VEGFC: variants seen among roughly 807,000 people sequenced by gnomAD.
VEGFC encodes the protein FLT4 ligand DHM.
A neutral mutation model predicts 46.1 loss-of-function variants in VEGFC; 12 were observed. That is an observed-to-expected ratio of 0.26 (90% CI 0.17 to 0.42). VEGFC has a LOEUF of 0.42. VEGFC is among the 10% of genes least tolerant of loss of function. The pLI is 1.00. For synonymous variants in VEGFC, 232 were observed against 195.5 expected, an observed-to-expected ratio of 1.19 and a Z score of -1.56; for missense variants, 488 against 529.4, an observed-to-expected ratio of 0.92 and a Z score of 0.77.
At chr4:176,736,467 G>T (rs975087631) in intron 1 of VEGFC, among the ~76,000 whole-genome samples, 2 of 56,790 alleles carry the variant, frequency 3.5e-5, no homozygotes, top group Admixed American at 3.9e-4. Context: ...GCCTCAATTA[G>T]TTCTACTATA....
chr4:176,780,387 A>AAAAAAAAAAAAAACC (rs541639588), intron 1 of VEGFC, among the ~76,000 whole-genome samples: 1 of 114,758 alleles, frequency 8.7e-6, no homozygotes, highest in East Asian at 2.8e-4. Context: ...ATCTCAAAAA[A>AAAAAAAAAAAAAACC]AAAAAAAAAA....
intron 3 of VEGFC, 70 bp from the exon 4 acceptor site, chr4:176,711,720 G>A: frequency 6.6e-7 from 1 of 1,521,192 alleles, no homozygotes; most frequent in Non-Finnish European, 9.0e-7. Flanking sequence ...GTAAATATTG[G>A]AGTCCGAAAA....
chr4:176,767,142 A>AAAC (rs1735641768), intron 1 of VEGFC, among the ~76,000 whole-genome samples: 1 of 149,822 alleles, frequency 6.7e-6, no homozygotes, highest in Non-Finnish European at 1.5e-5. Context: ...AAAAAAAAAA[A>AAAC]AACAACCAAA....
intron 4 of VEGFC, among the ~76,000 whole-genome samples, chr4:176,704,700 C>T (rs992238795): frequency 1.3e-5 from 2 of 152,156 alleles, no homozygotes; most frequent in Non-Finnish European, 2.9e-5. Context: ...CCAAGCTGTT[C>T]TTTCTATAAT....
At chr4:176,710,240 C>T (rs1001255899) in intron 4 of VEGFC, among the ~76,000 whole-genome samples, 2 of 152,168 alleles carry the variant, frequency 1.3e-5, no homozygotes, top group Non-Finnish European at 2.9e-5. Flanking sequence ...CTAAAGCTCT[C>T]AGAATGGAGG....
chr4:176,788,924 G>A (rs1336320252), intron 1 of VEGFC, among the ~76,000 whole-genome samples: 1 of 152,120 alleles, frequency 6.6e-6, no homozygotes, highest in Non-Finnish European at 1.5e-5. Context: ...ATATTATGGA[G>A]GTGTAGTGAA....
chr4:176,764,662 G>C (rs994804572), intron 1 of VEGFC, among the ~76,000 whole-genome samples: 1 of 152,140 alleles, frequency 6.6e-6, no homozygotes, highest in Non-Finnish European at 1.5e-5. Flanking sequence ...AAGTGGGTAG[G>C]CCATACCAGA....
At chr4:176,730,286 T>A (rs533378146) in intron 1 of VEGFC, among the ~76,000 whole-genome samples, 1 of 152,252 alleles carries the variant, frequency 6.6e-6, no homozygotes, top group Admixed American at 6.5e-5. Context: ...GCAGAATCTC[T>A]CAATATTTAA....
chr4:176,761,341 T>C (rs1368454442), intron 1 of VEGFC, among the ~76,000 whole-genome samples: 4 of 152,192 alleles, frequency 2.6e-5, no homozygotes, highest in African/African-American at 9.6e-5. Flanking sequence ...TATAAAATCA[T>C]AATATTCAAA....
intron 5 of VEGFC, 99 bp downstream of exon 5, chr4:176,687,722 G>A (rs551640544): frequency 5.3e-5 from 55 of 1,047,500 alleles, no homozygotes; most frequent in South Asian, 1.2e-4. Context: ...CACTTATTTA[G>A]AAGAATGATG....
At chr4:176,688,133 G>A (rs560652370) in intron 4 of VEGFC, among the ~76,000 whole-genome samples, 1 of 152,316 alleles carries the variant, frequency 6.6e-6, no homozygotes, top group African/African-American at 2.4e-5. Context: ...ACTGTTTGTG[G>A]TATGGTCTTA....
intron 1 of VEGFC, among the ~76,000 whole-genome samples, chr4:176,754,280 G>A (rs543254800): frequency 4.6e-5 from 7 of 151,194 alleles, no homozygotes; most frequent in Admixed American, 2.0e-4. Context: ...TTATTAGGTA[G>A]CTCATTAGTT....
intron 1 of VEGFC, among the ~76,000 whole-genome samples, chr4:176,756,447 A>G (rs1183433906): frequency 6.6e-6 from 1 of 152,048 alleles, no homozygotes; most frequent in Non-Finnish European, 1.5e-5. Context: ...GGAAGGGTAG[A>G]TTCCCTTAAG....
intron 6 of VEGFC, among the ~76,000 whole-genome samples, chr4:176,685,678 T>C (rs1028336774): frequency 3.3e-5 from 5 of 151,992 alleles, no homozygotes; most frequent in African/African-American, 9.6e-5. Flanking sequence ...AAAGATTTAG[T>C]ATCTATATCC....
At chr4:176,732,287 T>C (rs1198792438) in intron 1 of VEGFC, among the ~76,000 whole-genome samples, 1 of 151,912 alleles carries the variant, frequency 6.6e-6, no homozygotes, top group African/African-American at 2.4e-5. Flanking sequence ...AAAGAAACTA[T>C]AATTCTTTTC....
At chr4:176,771,072 TAATTA>T (rs1433183102) in intron 1 of VEGFC, among the ~76,000 whole-genome samples, 1 of 151,768 alleles carries the variant, frequency 6.6e-6, no homozygotes, top group East Asian at 1.9e-4. Context: ...TGAAATAAAA[TAATTA>T]AATTCTACTT....
intron 1 of VEGFC, among the ~76,000 whole-genome samples, chr4:176,759,154 C>G (rs1478514479): frequency 6.6e-6 from 1 of 152,072 alleles, no homozygotes; most frequent in Admixed American, 6.6e-5. Flanking sequence ...GATAAATTTT[C>G]TTTTCTTCAA....
At chr4:176,742,925 A>C (rs1033782904) in intron 1 of VEGFC, among the ~76,000 whole-genome samples, 1 of 152,058 alleles carries the variant, frequency 6.6e-6, no homozygotes, top group Non-Finnish European at 1.5e-5. Context: ...ATGTCTCCTA[A>C]GTTGAGACAG....
intron 4 of VEGFC, chr4:176,705,879 TCTTA>T (rs1179759661): frequency 3.3e-5 from 5 of 152,264 alleles, no homozygotes; most frequent in African/African-American, 7.2e-5. Flanking sequence ...TATGTAACAT[TCTTA>T]CTTATGTGCT....
Sources: allele counts gnomAD v4.1 joint callset (sites outside exome capture counted in the v4.1 genomes callset), GRCh38; gene constraint gnomAD v4.1.1; transcripts MANE v1.5; gene names NCBI Gene and HGNC (gene_info 2026-07-23, HGNC 2026-07-21).